Variants in TRPM7 observed in about 807,000 individuals in gnomAD.
The protein encoded by TRPM7 is LTRPC ion channel family member 7.
Under a neutral mutation model 229.7 loss-of-function variants are expected in TRPM7, and 134 were observed. That is an observed-to-expected ratio of 0.58 (90% CI 0.51 to 0.67). The LOEUF (loss-of-function observed/expected upper bound fraction) is 0.67, where lower values mean the gene tolerates loss of function less well. Ranked by LOEUF, TRPM7 falls within the 30% of genes least tolerant of loss-of-function variation. The pLI, the probability that TRPM7 is intolerant of heterozygous loss-of-function variation, is 0.00. For missense variants in TRPM7, 1,901 were observed against 2,210.0 expected (o/e 0.86, Z 2.80); for synonymous variants, 699 against 715.2 (o/e 0.98, Z 0.36).
intron 1 of TRPM7, among the ~76,000 whole-genome samples, chr15:50,683,028 G>A (rs1318413723): frequency 6.6e-6 from 1 of 151,662 alleles, no homozygotes; most frequent in African/African-American, 2.4e-5. Context: ...GACCACAGGT[G>A]CGCATCACCA....
intron 15 of TRPM7, among the ~76,000 whole-genome samples, 198 bp downstream of exon 15, chr15:50,613,501 CAAAAAAAA>C (rs67505794): frequency 4.8e-5 from 3 of 62,810 alleles, no homozygotes; most frequent in African/African-American, 6.4e-5. Flanking sequence ...ACTCCTGTCT[CAAAAAAAA>C]AAAAAAAAAA....
chr15:50,655,448 C>A (rs12911883), intron 3 of TRPM7, among the ~76,000 whole-genome samples: 51,577 of 118,528 alleles, frequency 0.44, 10,490 homozygotes, highest in East Asian at 0.56. Flanking sequence ...AAAAAAAAAA[C>A]AAAAAAACAA....
chr15:50,569,180 A>T (rs2053754084), intron 38 of TRPM7, among the ~76,000 whole-genome samples: 1 of 152,120 alleles, frequency 6.6e-6, no homozygotes, highest in Admixed American at 6.5e-5. Context: ...GACTACAGGC[A>T]TGTGTCACTG....
In TRPM7 at chr15:50,648,742, G is replaced by T. The variant is rs745904907; in HGVS notation, c.266C>A (p.Thr89Lys). ...AAAATTTATGACTCCATAAGCATCC[G>T]TTGGGCTCTGTTCTGTATGCTTTTC... ...SVEKHTEQSPTDAYGVINFQG... is the reference protein window; with the variant it reads ...SVEKHTEQSPKDAYGVINFQG... Residue 89 changes from threonine to lysine, a missense_variant, in exon 4 of 39, where the codon ACG becomes AAG. Physicochemically the swap from Thr to Lys is moderately conservative, Grantham distance 78. Around this residue, in one of 8 missense-constraint regions of TRPM7, gnomAD observed 794 missense variants for 881.9 expected, o/e 0.90. Transcript: ENST00000646667. 1 of 1,612,938 alleles carries T rather than the reference G, an allele frequency of 6.2e-7. No homozygotes were observed. Among genetic ancestry groups the T allele is most frequent in the Non-Finnish European group, 8.5e-7 (1 of 1,179,426 alleles).
At chr15:50,596,814 G>A (rs539588587) in intron 22 of TRPM7, among the ~76,000 whole-genome samples, 81 of 152,192 alleles carry the variant, frequency 5.3e-4, no homozygotes, top group African/African-American at 1.9e-3. Context: ...GCAGTGGCGC[G>A]ATCTCGGCTC....
At chr15:50,670,731 A>T (rs1421425778) in intron 1 of TRPM7, among the ~76,000 whole-genome samples, 1 of 151,944 alleles carries the variant, frequency 6.6e-6, no homozygotes, top group African/African-American at 2.4e-5. Context: ...AGGACTGCTC[A>T]ACCTATGGGG....
intron 14 of TRPM7, 99 bp from the exon 15 acceptor site, chr15:50,613,940 T>C: frequency 7.0e-7 from 1 of 1,424,538 alleles, no homozygotes; most frequent in Non-Finnish European, 9.5e-7. Context: ...TGTGTTTGTG[T>C]ACACACACAA....
chr15:50,628,534 G>A (rs576574546), intron 10 of TRPM7, among the ~76,000 whole-genome samples: 125 of 152,100 alleles, frequency 8.2e-4, no homozygotes, highest in African/African-American at 2.9e-3. Flanking sequence ...TCAAACTCCC[G>A]GCCTCAAGTG....
chr15:50,656,012 A>C (rs1016159733), intron 3 of TRPM7, among the ~76,000 whole-genome samples: 16 of 150,802 alleles, frequency 1.1e-4, no homozygotes, highest in African/African-American at 3.9e-4. Flanking sequence ...AAAAAAACAA[A>C]AAAAAAAAAC....
chr15:50,599,374 C>A lies in TRPM7; in HGVS notation c.2989-78G>T. 1 of 1,032,040 alleles carries A rather than the reference C, an allele frequency of 9.7e-7. No individual in the cohort carries two copies. Among genetic ancestry groups the A allele is most frequent in the Non-Finnish European group, 1.4e-6 (1 of 738,926 alleles). 63.9% of individuals were successfully genotyped at this position (1,032,040 alleles called of 1,614,324 possible). ...AATCTTTCTAAAAGCTTCTAATGTT[C>A]TAATAGACCAAAAAAATCCATTAAA... is the stretch of plus-strand genomic sequence containing the variant. On this transcript the variant is annotated intron_variant, in intron 21 of 38. Coordinates refer to ENST00000646667, the MANE Select transcript of TRPM7 (RefSeq NM_017672.6).
At chr15:50,639,017 C>A (rs897418902) in intron 6 of TRPM7, among the ~76,000 whole-genome samples, 16 of 152,130 alleles carry the variant, frequency 1.1e-4, no homozygotes, top group Non-Finnish European at 1.5e-5. Flanking sequence ...ATATCTATAA[C>A]CAATTCACAT....
At chr15:50,680,592 G>C (rs918852716) in intron 1 of TRPM7, among the ~76,000 whole-genome samples, 4 of 150,590 alleles carry the variant, frequency 2.7e-5, no homozygotes, top group Non-Finnish European at 5.9e-5. Flanking sequence ...ACAAAAACCA[G>C]ACAACTGAGT....
At chr15:50,571,579 GA>G (rs60590506) in intron 36 of TRPM7, among the ~76,000 whole-genome samples, 55,324 of 145,754 alleles carry the variant, frequency 0.38, 10,909 homozygotes, top group Admixed American at 0.5. Flanking sequence ...AAAAAAAGTG[GA>G]AAAAAAAAAA....
intron 4 of TRPM7, among the ~76,000 whole-genome samples, chr15:50,647,724 C>T (rs927183638): frequency 4.0e-5 from 6 of 151,674 alleles, no homozygotes; most frequent in African/African-American, 1.5e-4. Flanking sequence ...CCAGCCTGGG[C>T]AACAGAGACA....
In TRPM7 at chr15:50,592,258, T is replaced by C; in HGVS notation, c.3977A>G (p.Gln1326Arg). 6.2e-7 allele frequency: 1 copy of C among 1,614,008 alleles called. No individual in the cohort carries two copies. The highest frequency in any genetic ancestry group is 8.5e-7 in the Non-Finnish European group (1 of 1,179,984). Residue 1326 changes from glutamine (Q) to arginine (R), a missense_variant, in exon 26 of 39, where the codon CAG becomes CGG. By Grantham distance (43) the Gln-to-Arg change is conservative (BLOSUM62 1). This residue lies in a region of TRPM7 where 533 missense variants were observed against 497.1 expected (regional missense o/e 1.07). Coordinates refer to ENST00000646667, the MANE Select transcript of TRPM7 (RefSeq NM_017672.6). ...NILMKDDKDP[Q>R]CNIFGQDLPA... ...TAAGTCTTGACCAAATATATTACAC[T>C]GGGGATCTTTGTCATCTTTCATTAA...
intron 12 of TRPM7, among the ~76,000 whole-genome samples, chr15:50,620,387 A>G (rs1309498668): frequency 1.3e-5 from 2 of 151,754 alleles, no homozygotes. Flanking sequence ...TTTTTCTTCC[A>G]ATGTGGCCCA....
chr15:50,584,859 C>A (rs1474690371), intron 28 of TRPM7, among the ~76,000 whole-genome samples: 1 of 151,680 alleles, frequency 6.6e-6, no homozygotes, highest in Non-Finnish European at 1.5e-5. Flanking sequence ...ATCCTTCTAC[C>A]ATTTCTTTCT....
chr15:50,592,942 C>T (rs778368373), intron 25 of TRPM7, among the ~76,000 whole-genome samples: 30 of 152,154 alleles, frequency 2.0e-4, no homozygotes, highest in Non-Finnish European at 2.4e-4. Flanking sequence ...ATTACTGTTA[C>T]TGTAACTGTT....
chr15:50,645,659 T>C (rs1213613968), intron 4 of TRPM7, among the ~76,000 whole-genome samples: 1 of 152,146 alleles, frequency 6.6e-6, no homozygotes, highest in African/African-American at 2.4e-5. Context: ...AGTCTTTCTG[T>C]ATCAGTTTTG....
Sources: allele counts gnomAD v4.1 joint callset (sites outside exome capture counted in the v4.1 genomes callset), GRCh38; gene constraint gnomAD v4.1.1; regional missense constraint gnomAD v4.1.1; transcripts MANE v1.5; gene names NCBI Gene and HGNC (gene_info 2026-07-23, HGNC 2026-07-21).